KLF12: variants seen among roughly 807,000 people sequenced by gnomAD.
The protein encoded by KLF12 is Krueppel-like factor 12.
A neutral mutation model predicts 37.8 loss-of-function variants in KLF12; 9 were observed. The observed-to-expected ratio is 0.24, with a 90% confidence interval of 0.14 to 0.42. KLF12 has a LOEUF of 0.42. Ranked by LOEUF, KLF12 falls within the 10% of genes least tolerant of loss-of-function variation. KLF12 has a pLI of 1.00. For missense variants in KLF12, 411 were observed against 516.0 expected, an observed-to-expected ratio of 0.80 and a Z score of 1.97; for synonymous variants, 208 against 202.1, an observed-to-expected ratio of 1.03 and a Z score of -0.25.
chr13:74,116,314 C>T (rs1381023389), intron 1 of KLF12, among the ~76,000 whole-genome samples: 1 of 152,156 alleles, frequency 6.6e-6, no homozygotes, highest in Non-Finnish European at 1.5e-5. Flanking sequence ...TTCTTCCTCA[C>T]AAAGAAACAC....
the KLF12 span, chr13:74,257,511 T>A: frequency 6.6e-6 from 1 of 152,044 alleles, no homozygotes. Context: ...AGCAGGAACA[T>A]GTATGGATGG....
intron 5 of KLF12, among the ~76,000 whole-genome samples, chr13:73,809,097 A>C (rs1240540166): frequency 2.6e-5 from 4 of 152,200 alleles, no homozygotes; most frequent in African/African-American, 4.8e-5. Flanking sequence ...TGTTGCCTGT[A>C]ATATATAGAA....
chr13:74,189,027 A>T, the KLF12 span, among the ~76,000 whole-genome samples: 2 of 151,922 alleles, frequency 1.3e-5, no homozygotes, highest in African/African-American at 2.4e-5. Flanking sequence ...AAAAACAAAA[A>T]CCCAAAAAGT....
At chr13:73,809,356 G>C (rs978835214) in intron 5 of KLF12, among the ~76,000 whole-genome samples, 2 of 131,990 alleles carry the variant, frequency 1.5e-5, no homozygotes, top group Non-Finnish European at 3.3e-5. Context: ...AAGTCATCAA[G>C]ATACGGAAAG....
intron 1 of KLF12, among the ~76,000 whole-genome samples, chr13:74,123,507 C>T (rs527312076): frequency 2.0e-4 from 30 of 152,298 alleles, no homozygotes; most frequent in African/African-American, 7.0e-4. Context: ...GTTTTATCTA[C>T]GTATGTATTT....
chr13:73,986,833 T>G (rs1025507052), intron 2 of KLF12, among the ~76,000 whole-genome samples: 12 of 152,098 alleles, frequency 7.9e-5, no homozygotes, highest in African/African-American at 2.9e-4. Flanking sequence ...GGAAATGGAA[T>G]CAGTCCTAGG....
chr13:73,976,797 T>G (rs1891536945), intron 2 of KLF12, among the ~76,000 whole-genome samples: 1 of 152,182 alleles, frequency 6.6e-6, no homozygotes, highest in Non-Finnish European at 1.5e-5. Flanking sequence ...GAGTCAATTT[T>G]CTAGGAGTAA....
At chr13:73,867,418 A>T (rs986522286) in intron 3 of KLF12, among the ~76,000 whole-genome samples, 10 of 151,712 alleles carry the variant, frequency 6.6e-5, no homozygotes, top group Non-Finnish European at 1.2e-4. Context: ...GTGTGTGTAT[A>T]TATATATATA....
intron 3 of KLF12, among the ~76,000 whole-genome samples, chr13:73,901,341 G>A (rs1474640881): frequency 6.6e-6 from 1 of 152,118 alleles, no homozygotes; most frequent in Non-Finnish European, 1.5e-5. Context: ...TGTAGAACAG[G>A]CAGTCTCTAA....
At chr13:73,842,590 C>CA (rs1179581638) in intron 4 of KLF12, among the ~76,000 whole-genome samples, 2 of 152,214 alleles carry the variant, frequency 1.3e-5, no homozygotes, top group African/African-American at 4.8e-5. Context: ...CGTAATGTGA[C>CA]ATGTAGGGTA....
chr13:74,254,368 C>A, the KLF12 span, among the ~76,000 whole-genome samples: 1 of 152,148 alleles, frequency 6.6e-6, no homozygotes, highest in African/African-American at 2.4e-5. Context: ...TTTACATGAT[C>A]ATTGTTATAA....
At chr13:73,719,560 AC>A (rs1338152424) in intron 6 of KLF12, among the ~76,000 whole-genome samples, 1 of 151,996 alleles carries the variant, frequency 6.6e-6, no homozygotes, top group Non-Finnish European at 1.5e-5. Context: ...AAGTCTTCAG[AC>A]AATGGGCACT....
intron 1 of KLF12, among the ~76,000 whole-genome samples, chr13:74,018,766 T>TA (rs950914275): frequency 2.0e-5 from 3 of 152,158 alleles, no homozygotes; most frequent in Non-Finnish European, 4.4e-5. Context: ...CAAGGCAAAT[T>TA]AACCTTTGGA....
At chr13:74,088,981 G>A (rs1175495767) in intron 1 of KLF12, among the ~76,000 whole-genome samples, 2 of 152,064 alleles carry the variant, frequency 1.3e-5, no homozygotes, top group Admixed American at 6.5e-5. Context: ...AAAATAAAAC[G>A]CCTGTGTAGT....
the KLF12 span, among the ~76,000 whole-genome samples, chr13:74,230,642 C>G: frequency 1.1e-4 from 17 of 152,170 alleles, no homozygotes; most frequent in Admixed American, 2.0e-4. Flanking sequence ...ACTATGGAGG[C>G]AGAGGATTGT....
chr13:73,841,806 T>G (rs75479618), intron 4 of KLF12, among the ~76,000 whole-genome samples: 7,656 of 152,182 alleles, frequency 0.05, 227 homozygotes, highest in African/African-American at 0.075. Context: ...GTACCACCAC[T>G]GTGGGGGGGC....
chr13:74,150,693 A>G, the KLF12 span, among the ~76,000 whole-genome samples: 23 of 152,172 alleles, frequency 1.5e-4, no homozygotes, highest in South Asian at 2.1e-4. Context: ...CTTTGGGGCC[A>G]TTAGTAAGTA....
At chr13:73,802,655 G>A (rs1465624147) in intron 5 of KLF12, among the ~76,000 whole-genome samples, 1 of 152,092 alleles carries the variant, frequency 6.6e-6, no homozygotes, top group Non-Finnish European at 1.5e-5. Flanking sequence ...AGTGTCTACT[G>A]TTGCCATCTT....
intron 6 of KLF12, among the ~76,000 whole-genome samples, chr13:73,728,993 T>C (rs1206486425): frequency 1.3e-5 from 2 of 152,240 alleles, no homozygotes; most frequent in Non-Finnish European, 2.9e-5. Context: ...GATCCATTCC[T>C]TACTATGTCA....
Sources: allele counts gnomAD v4.1 joint callset (sites outside exome capture counted in the v4.1 genomes callset), GRCh38; gene constraint gnomAD v4.1.1; transcripts MANE v1.5; gene names NCBI Gene and HGNC (gene_info 2026-07-23, HGNC 2026-07-21).